Variants in RBFOX1 observed in about 807,000 individuals in gnomAD.
RBFOX1 encodes RNA binding fox-1 homolog 1, also known as RNA binding protein fox-1 homolog 1.
A neutral mutation model predicts 57.7 loss-of-function variants in RBFOX1; 8 were observed. The observed-to-expected ratio is 0.14, with a 90% CI of 0.08 to 0.25. The LOEUF (loss-of-function observed/expected upper bound fraction) is 0.25, where lower values mean the gene tolerates loss of function less well. RBFOX1 is among the 10% of genes least tolerant of loss of function. The pLI is 1.00. For synonymous variants in RBFOX1, 326 were observed against 222.4 expected (o/e 1.47, Z -4.15); for missense variants, 611 against 548.5 (o/e 1.11, Z -1.14).
chr16:7,165,933 T>TACACAAAC (rs1555525989), intron 4 of RBFOX1, among the ~76,000 whole-genome samples: 15 of 143,264 alleles, frequency 1.0e-4, no homozygotes, highest in African/African-American at 3.9e-4. Flanking sequence ...CGCATGCACA[T>TACACAAAC]ACACACACAC....
chr16:5,312,053 GA>G (rs2064105525), intron 1 of RBFOX1, among the ~76,000 whole-genome samples: 4 of 152,222 alleles, frequency 2.6e-5, no homozygotes, highest in Admixed American at 2.6e-4. Context: ...AGGGGCTCAG[GA>G]GGGGCTGCAT....
Position 5,769,351 on chromosome 16 carries a change from G to A in RBFOX1, c.319-97952G>A, listed in dbSNP as rs181843067. On this transcript the variant is annotated intron_variant, in intron 3 of 19. Transcript: ENST00000641259. ...ATGACTGGTGTCCTTATAAGGAGGA[G>A]AAATTTGGGCTGGGTGCAGTGGCTC... Among the ~76,000 whole-genome samples the A allele has an allele frequency of 3.1e-3, 473 of 152,030 alleles. 3 individuals are homozygous for A. The highest frequency in any genetic ancestry group is 5.2e-3 in the Non-Finnish European group (352 of 67,970).
chr16:6,962,205 G>C (rs548447045), intron 3 of RBFOX1, among the ~76,000 whole-genome samples: 9 of 152,160 alleles, frequency 5.9e-5, no homozygotes, highest in Admixed American at 3.9e-4. Flanking sequence ...CTCCAACTCT[G>C]CTTGTTTGCA....
chr16:5,247,806 C>T (rs1385324851), intron 1 of RBFOX1, among the ~76,000 whole-genome samples: 3 of 152,246 alleles, frequency 2.0e-5, no homozygotes, highest in East Asian at 3.9e-4. Context: ...GACTTTGTAC[C>T]ACCCTGACAT....
chr16:5,673,056 G>T (rs7194033), intron 3 of RBFOX1, among the ~76,000 whole-genome samples: 1 of 151,900 alleles, frequency 6.6e-6, no homozygotes, highest in African/African-American at 2.4e-5. Context: ...GCCTCCACCC[G>T]CTTCCAGCGG....
chr16:6,478,102 G>T (rs77882386), intron 2 of RBFOX1, among the ~76,000 whole-genome samples: 125 of 152,052 alleles, frequency 8.2e-4, no homozygotes, highest in South Asian at 4.2e-4. Context: ...CAGCAACAAG[G>T]CTCTTTTACT....
At chr16:5,725,958 A>G (rs954819978) in intron 3 of RBFOX1, among the ~76,000 whole-genome samples, 1 of 152,008 alleles carries the variant, frequency 6.6e-6, no homozygotes, top group Admixed American at 6.5e-5. Context: ...ATACAAACCC[A>G]CATTTCTGAG....
chr16:7,008,522 A>G (rs1342799441), intron 3 of RBFOX1, among the ~76,000 whole-genome samples: 4 of 152,142 alleles, frequency 2.6e-5, no homozygotes, highest in Non-Finnish European at 5.9e-5. Context: ...CCTGGGTGAC[A>G]GGGCAAGACT....
At chr16:7,618,626 T>C (rs945392884) in intron 10 of RBFOX1, among the ~76,000 whole-genome samples, 1 of 152,206 alleles carries the variant, frequency 6.6e-6, no homozygotes, top group Non-Finnish European at 1.5e-5. Flanking sequence ...CTTTTCAAAA[T>C]TTATTGTTCT....
At chr16:7,318,497 A>G (rs2096486049) in intron 4 of RBFOX1, among the ~76,000 whole-genome samples, 1 of 152,140 alleles carries the variant, frequency 6.6e-6, no homozygotes, top group African/African-American at 2.4e-5. Context: ...CCGTTGGGCA[A>G]ATTATTTAAC....
intron 5 of RBFOX1, 109 bp downstream of exon 5, chr16:7,518,498 T>G: frequency 6.9e-7 from 1 of 1,447,880 alleles, no homozygotes; most frequent in East Asian, 2.3e-5. Context: ...GGGAAACAGA[T>G]CAGTCCCTAA....
chr16:5,321,679 G>A (rs966743728), intron 1 of RBFOX1, among the ~76,000 whole-genome samples: 26 of 152,312 alleles, frequency 1.7e-4, no homozygotes, highest in African/African-American at 5.8e-4. Context: ...GATAGGGGAA[G>A]TGGTGGTGGC....
intron 2 of RBFOX1, among the ~76,000 whole-genome samples, chr16:5,568,930 C>T (rs893827165): frequency 4.6e-5 from 7 of 151,994 alleles, no homozygotes; most frequent in African/African-American, 9.7e-5. Flanking sequence ...AACCTCCGCC[C>T]GCTGGGTTCA....
chr16:6,335,870 T>C (rs1450215471), intron 2 of RBFOX1, among the ~76,000 whole-genome samples: 2 of 148,958 alleles, frequency 1.3e-5, no homozygotes, highest in African/African-American at 2.5e-5. Context: ...AGAACCTGCA[T>C]TGTGATATTT....
chr16:6,293,036 G>A (rs2077635379), intron 1 of RBFOX1, among the ~76,000 whole-genome samples: 1 of 152,108 alleles, frequency 6.6e-6, no homozygotes, highest in African/African-American at 2.4e-5. Context: ...CTGGAGGAAT[G>A]TCTACCCCCT....
chr16:5,378,098 G>C (rs1313561462), intron 1 of RBFOX1, among the ~76,000 whole-genome samples: 2 of 151,648 alleles, frequency 1.3e-5, no homozygotes. Context: ...GAGGGAAAGA[G>C]GAGTGGGGAA....
chr16:7,118,884 G>T (rs1320492014), intron 4 of RBFOX1, among the ~76,000 whole-genome samples: 1 of 152,134 alleles, frequency 6.6e-6, no homozygotes, highest in African/African-American at 2.4e-5. Context: ...AACTTGCTCA[G>T]ATCTCTTAAC....
chr16:5,708,783 T>G (rs1471781661), intron 3 of RBFOX1, among the ~76,000 whole-genome samples: 2 of 152,188 alleles, frequency 1.3e-5, no homozygotes, highest in African/African-American at 4.8e-5. Flanking sequence ...GCCATTTTTC[T>G]CTGAAAGAAG....
intron 4 of RBFOX1, among the ~76,000 whole-genome samples, chr16:7,132,724 C>A (rs1039077169): frequency 3.3e-5 from 5 of 151,944 alleles, no homozygotes; most frequent in Non-Finnish European, 7.4e-5. Flanking sequence ...CGAAATCAAC[C>A]AGTCACAAGA....
Sources: allele counts gnomAD v4.1 joint callset (sites outside exome capture counted in the v4.1 genomes callset), GRCh38; gene constraint gnomAD v4.1.1; transcripts MANE v1.5; gene names NCBI Gene and HGNC (gene_info 2026-07-23, HGNC 2026-07-21).